MTMR14: variants seen among roughly 807,000 people sequenced by gnomAD.
MTMR14 encodes phosphatidylinositol-3,5-bisphosphate 3-phosphatase MTMR14.
A neutral mutation model predicts 86.3 loss-of-function variants in MTMR14; 48 were observed. That is an observed-to-expected ratio of 0.56 (90% confidence interval 0.44 to 0.71). The LOEUF (loss-of-function observed/expected upper bound fraction) is 0.71, where lower values mean the gene tolerates loss of function less well. MTMR14 is among the 30% of genes least tolerant of loss of function. MTMR14 has a pLI of 0.00. For missense variants in MTMR14, 780 were observed against 834.6 expected (o/e 0.93, Z 0.81); for synonymous variants, 366 against 326.1 (o/e 1.12, Z -1.32).
chr3:9,653,721 G>A lies in MTMR14; in HGVS notation c.260G>A (p.Arg87Gln), dbSNP rs189325962. ...TNGDICGHYPRHIVFLEYESS... is the reference protein window; with the variant it reads ...TNGDICGHYPQHIVFLEYESS... ...GGGGATATCTGTGGCCACTATCCCC[G>A]GCACATCGTGTTCCTGGAGTATGAG... The change falls in exon 2 of 19, where the codon CGG (arginine) becomes CAG (glutamine). Residue 87 changes from arginine to glutamine, a missense_variant. Coordinates refer to ENST00000296003, the MANE Select transcript of MTMR14 (RefSeq NM_001077525.3). 6.4e-5 allele frequency: 103 copies of A among 1,614,144 alleles called. No homozygotes were observed. Among genetic ancestry groups the A allele is most frequent in the Admixed American group, 1.2e-4 (7 of 60,004 alleles).
chr3:9,676,631 T>G (rs1460549589), intron 7 of MTMR14, among the ~76,000 whole-genome samples: 3 of 152,202 alleles, frequency 2.0e-5, no homozygotes, highest in Middle Eastern at 3.2e-3. Flanking sequence ...AGCGTTACAG[T>G]GTTAAGTAAA....
intron 17 of MTMR14, among the ~76,000 whole-genome samples, chr3:9,696,905 A>G (rs539586967): frequency 2.9e-4 from 44 of 152,172 alleles, no homozygotes; most frequent in Admixed American, 2.7e-3. Context: ...ATGTCTCCCT[A>G]TTGCCTCCCC....
rs117156178 is a variant in MTMR14 at position 9,671,587 on chromosome 3, G to A, written c.677+417G>A. ...AGTGGTCTCAAACATGTGGCCCTAA[G>A]CAGTCCTCCTGCCTCAGCTTCCCAA... is the stretch of plus-strand genomic sequence containing the variant. On this transcript the variant is annotated intron_variant, in intron 6 of 18. Coordinates refer to ENST00000296003, the MANE Select transcript of MTMR14 (RefSeq NM_001077525.3). 1.6e-4 allele frequency among the ~76,000 whole-genome samples: 24 copies of A among 150,474 alleles called. No individual in the cohort carries two copies. The East Asian group carries it at 4.4e-3, about 28-fold the overall frequency.
At chr3:9,676,605 A>G (rs927004676) in intron 7 of MTMR14, among the ~76,000 whole-genome samples, 2 of 152,260 alleles carry the variant, frequency 1.3e-5, no homozygotes, top group African/African-American at 4.8e-5. Context: ...GCTTAGAGAC[A>G]TTAAACAACT....
intron 17 of MTMR14, among the ~76,000 whole-genome samples, chr3:9,694,374 G>A (rs2076222530): frequency 6.6e-6 from 1 of 152,180 alleles, no homozygotes; most frequent in South Asian, 2.1e-4. Context: ...TGGGCATGGT[G>A]GCTCATGTCT....
chr3:9,668,340 C>T (rs971243039), intron 3 of MTMR14, among the ~76,000 whole-genome samples: 1 of 152,182 alleles, frequency 6.6e-6, no homozygotes, highest in Non-Finnish European at 1.5e-5. Flanking sequence ...TTCTTTTCTT[C>T]ATCTGTGTAA....
In MTMR14 at chr3:9,669,758, C is replaced by T. The variant is rs188632067; in HGVS notation, c.554+266C>T. Reference sequence around the variant, plus strand: ...CATCCCACTCTTGGGGTTCCTGGTACTGCAGGCCCGAGATAGGGCCCAGAC... The same window carrying T: ...CATCCCACTCTTGGGGTTCCTGGTATTGCAGGCCCGAGATAGGGCCCAGAC... On this transcript the variant is annotated intron_variant, in intron 5 of 18. Coordinates refer to ENST00000296003, the MANE Select transcript of MTMR14 (RefSeq NM_001077525.3). Among the ~76,000 whole-genome samples the T allele has an allele frequency of 9.5e-4, 144 of 152,298 alleles. 2 individuals are homozygous for T. The highest frequency in any genetic ancestry group is 4.4e-5 in the Non-Finnish European group (3 of 68,028).
At chr3:9,656,352 G>T (rs932783713) in intron 2 of MTMR14, among the ~76,000 whole-genome samples, 10 of 152,098 alleles carry the variant, frequency 6.6e-5, no homozygotes, top group African/African-American at 2.4e-4. Context: ...AAGAATTGGG[G>T]TTTGTTATGG....
At chr3:9,655,259 CGGGTGG>C (rs1574926481) in intron 2 of MTMR14, among the ~76,000 whole-genome samples, 2 of 151,378 alleles carry the variant, frequency 1.3e-5, no homozygotes, top group East Asian at 4.0e-4. Context: ...CCCAGCTACT[CGGGTGG>C]CTGAGGCAGG....
At chr3:9,679,488 G>T (rs1269402772) in intron 9 of MTMR14, among the ~76,000 whole-genome samples, 1 of 152,180 alleles carries the variant, frequency 6.6e-6, no homozygotes, top group African/African-American at 2.4e-5. Flanking sequence ...TGGATCTGAT[G>T]AACTACTCAG....
chr3:9,653,865 T>G (rs1367327171), intron 2 of MTMR14, 96 bp downstream of exon 2: 117 of 1,513,702 alleles, frequency 7.7e-5, no homozygotes, highest in Non-Finnish European at 9.8e-5. Flanking sequence ...GCAGAATCAC[T>G]TTCCCCAGGT....
intron 6 of MTMR14, among the ~76,000 whole-genome samples, 180 bp downstream of exon 6, chr3:9,671,350 A>T (rs536139606): frequency 6.6e-6 from 1 of 152,224 alleles, no homozygotes; most frequent in African/African-American, 2.4e-5. Flanking sequence ...TCTTACAGAC[A>T]CTGAAGCACA....
rs1475152612 is a variant in MTMR14, at chr3:9,683,172, C to T, written c.898-6C>T. 1.2e-6 allele frequency: 2 copies of T among 1,613,676 alleles called. No homozygotes were observed. Among genetic ancestry groups the T allele is most frequent in the South Asian group, 1.1e-5 (1 of 91,048 alleles). ...ATGTCCATTTCTTCTCACTTTTCTCCAACAGTGTTGGGATCTGGTGCAACA... is the reference window on the plus strand; with the variant it reads ...ATGTCCATTTCTTCTCACTTTTCTCTAACAGTGTTGGGATCTGGTGCAACA... On this transcript the variant is annotated splice_region_variant and splice_polypyrimidine_tract_variant and intron_variant, in intron 9 of 18. Coordinates refer to ENST00000296003, the MANE Select transcript of MTMR14 (RefSeq NM_001077525.3).
intron 17 of MTMR14, 138 bp downstream of exon 17, chr3:9,690,281 GGTTA>G (rs1486057711): frequency 1.0e-6 from 1 of 963,952 alleles, no homozygotes; most frequent in Non-Finnish European, 1.6e-6. Context: ...TTGGAGGATG[GGTTA>G]GTGTTTGGTA....
Position 9,677,855 on chromosome 3 carries a change from A to T in MTMR14, c.823-129A>T. ...TTTTAAGCTGTCACTCCCAGGTAGC[A>T]CAGGTATCTGGCCCAGAGAAGGCAA... is the stretch of plus-strand genomic sequence containing the variant. On this transcript the variant is annotated intron_variant, in intron 8 of 18. Coordinates refer to ENST00000296003, the MANE Select transcript of MTMR14 (RefSeq NM_001077525.3). The surrounding 1 kb of genome is among the most constrained non-coding windows in gnomAD (Gnocchi z 4.2). 1 of 740,898 alleles carries T rather than the reference A, an allele frequency of 1.3e-6. No homozygotes were observed. The highest frequency in any genetic ancestry group is 2.3e-6 in the Non-Finnish European group (1 of 434,914). 45.9% of individuals were successfully genotyped at this position (740,898 alleles called of 1,614,324 possible). A position where few individuals can be genotyped will look rare whatever the true frequency, so the allele number is the denominator to read the frequency against.
intron 6 of MTMR14, among the ~76,000 whole-genome samples, 188 bp downstream of exon 6, chr3:9,671,358 A>G (rs1258172921): frequency 6.6e-6 from 1 of 152,182 alleles, no homozygotes; most frequent in East Asian, 1.9e-4. Flanking sequence ...ACACTGAAGC[A>G]CAGAGAGATG....
rs1184276542 is a variant in MTMR14 at position 9,662,314 on chromosome 3, G to A, written c.356G>A (p.Arg119His). 1.9e-6 allele frequency: 3 copies of A among 1,613,440 alleles called. No individual in the cohort carries two copies. Among genetic ancestry groups the A allele is most frequent in the Admixed American group, 1.7e-5 (1 of 59,888 alleles). Residue 119 changes from arginine (R) to histidine (H), a missense_variant, in exon 3 of 19, where the codon CGC (arginine) becomes CAC (histidine). Coordinates refer to ENST00000296003, the MANE Select transcript of MTMR14 (RefSeq NM_001077525.3). Reference protein sequence around the residue: ...QVSKLQDLIHRSKMARCRGRF... With the variant: ...QVSKLQDLIHHSKMARCRGRF... ...AGCAAGTTGCAAGACCTCATCCACCGCAGCAAGATGGCCCGGTGCAGAGGA... is the reference window on the plus strand; with the variant it reads ...AGCAAGTTGCAAGACCTCATCCACCACAGCAAGATGGCCCGGTGCAGAGGA...
chr3:9,669,995 T>C (rs1486308705), intron 5 of MTMR14, among the ~76,000 whole-genome samples: 1 of 152,192 alleles, frequency 6.6e-6, no homozygotes, highest in Non-Finnish European at 1.5e-5. Context: ...TAAGAAGAGC[T>C]TGGTACAGAA....
intron 1 of MTMR14, chr3:9,650,279 A>G (rs1410957197): frequency 2.2e-6 from 1 of 456,372 alleles, no homozygotes; most frequent in Non-Finnish European, 4.4e-6. Context: ...TCCTTTATCT[A>G]AAGCAGGTCT....
Sources: gnomAD v4.1 joint callset for allele counts (sites outside exome capture counted in the v4.1 genomes callset) on GRCh38, gnomAD v4.1.1 for gene constraint, Gnocchi (gnomAD v3.1) non-coding constraint, MANE v1.5 for transcripts, NCBI Gene and HGNC (gene_info 2026-07-23, HGNC 2026-07-21) for gene names.